Variants in HKDC1 observed in about 807,000 individuals in gnomAD.
HKDC1 encodes the protein hexokinase HKDC1.
Under a neutral mutation model 96.6 loss-of-function variants are expected in HKDC1, and 66 were observed. That is an observed-to-expected ratio of 0.68 (90% CI 0.56 to 0.84). The LOEUF (loss-of-function observed/expected upper bound fraction) is 0.84, where lower values mean the gene tolerates loss of function less well. Ranked by LOEUF, HKDC1 falls within the 40% of genes least tolerant of loss-of-function variation. The pLI, the probability that HKDC1 is intolerant of heterozygous loss-of-function variation, is 0.00. For missense variants in HKDC1, 1,211 were observed against 1,208.1 expected (o/e 1.00, Z -0.04); for synonymous variants, 466 against 473.1 (o/e 0.98, Z 0.20).
intron 4 of HKDC1, among the ~76,000 whole-genome samples, chr10:69,235,808 CCAA>C (rs1406705602): frequency 1.3e-5 from 2 of 152,336 alleles, no homozygotes. Flanking sequence ...TGAATACCCA[CCAA>C]CATCTTTCTC....
At position 69,243,223 on chromosome 10, in the gene HKDC1, A is replaced by G; in HGVS notation, c.733A>G (p.Ile245Val). Residue 245 changes from isoleucine (I) to valine (V), a missense_variant, in exon 7 of 18, where the codon ATT becomes GTT. Coordinates refer to ENST00000354624, the MANE Select transcript of HKDC1 (RefSeq NM_025130.4). ...NACYMEDMSN[I>V]DLVEGDEGRM... The stretch of plus-strand genomic sequence containing the variant: ...GTGTTACATGGAGGACATGAGCAAC[A>G]TTGACCTGGTGGAGGGCGACGAGGG... 1 of 1,614,210 alleles carries G rather than the reference A, an allele frequency of 6.2e-7. No homozygotes were observed. The highest frequency in any genetic ancestry group is 8.5e-7 in the Non-Finnish European group (1 of 1,180,030).
intron 2 of HKDC1, among the ~76,000 whole-genome samples, chr10:69,230,631 A>G (rs748631898): frequency 1.3e-5 from 2 of 152,146 alleles, no homozygotes; most frequent in Non-Finnish European, 2.9e-5. Flanking sequence ...CTTTCTTTTT[A>G]GAAACAAGGT....
intron 2 of HKDC1, among the ~76,000 whole-genome samples, chr10:69,230,432 C>G (rs920084171): frequency 6.6e-6 from 1 of 152,134 alleles, no homozygotes; most frequent in Admixed American, 6.5e-5. Context: ...CTCCAGGAAT[C>G]TCCGCATTCA....
At position 69,220,482 on chromosome 10, in the gene HKDC1, A is replaced by G. The variant is rs144737613; in HGVS notation, c.47A>G (p.Glu16Gly). Residue 16 changes from glutamate (E) to glycine (G), a missense_variant, in exon 1 of 18, where the codon GAG becomes GGG. Transcript: ENST00000354624. ...LMAFYFSKLK[E>G]DQIKKVDRFL... ...GCATTTTACTTCAGCAAGCTGAAGG[A>G]GGACCAGATCAAGAAGGTAAGGAGG... The G allele has an allele frequency of 1.2e-6, 2 of 1,600,890 alleles. No homozygotes were observed. The highest frequency in any genetic ancestry group is 8.5e-7 in the Non-Finnish European group (1 of 1,174,402).
Position 69,239,068 on chromosome 10 carries a change from G to A in HKDC1, c.522G>A (p.Lys174=). ...GTGTCCTACTTTCGTGGACAAAAAA[G>A]TTTAAGGCACGAGGAGTTCAGGACA... ...EEGVLLSWTK[K]FKARGVQDTD... Residue 174 remains lysine (K), a synonymous_variant, in exon 5 of 18, where the codon AAG becomes AAA. Coordinates refer to ENST00000354624, the MANE Select transcript of HKDC1 (RefSeq NM_025130.4). 1 of 1,613,806 alleles carries A rather than the reference G, an allele frequency of 6.2e-7. No individual in the cohort carries two copies. The highest frequency in any genetic ancestry group is 8.5e-7 in the Non-Finnish European group (1 of 1,179,762).
At chr10:69,224,932 C>T (rs1304200357) in intron 1 of HKDC1, among the ~76,000 whole-genome samples, 5 of 152,188 alleles carry the variant, frequency 3.3e-5, no homozygotes, top group Admixed American at 3.3e-4. Flanking sequence ...TTACACATAC[C>T]CCACATGACT....
intron 1 of HKDC1, among the ~76,000 whole-genome samples, chr10:69,225,374 G>A (rs1319064451): frequency 6.6e-6 from 1 of 152,148 alleles, no homozygotes; most frequent in Non-Finnish European, 1.5e-5. Flanking sequence ...CAGTTTTCTC[G>A]GCTTGTGTGT....
intron 4 of HKDC1, among the ~76,000 whole-genome samples, chr10:69,237,520 A>G (rs899804782): frequency 6.6e-6 from 1 of 152,150 alleles, no homozygotes; most frequent in Non-Finnish European, 1.5e-5. Context: ...AGTTTAGCAA[A>G]TCTATGGTTG....
intron 5 of HKDC1, among the ~76,000 whole-genome samples, chr10:69,239,587 TTAAAC>T (rs1326267065): frequency 6.6e-6 from 1 of 152,192 alleles, no homozygotes; most frequent in Non-Finnish European, 1.5e-5. Flanking sequence ...TTACAATAAT[TTAAAC>T]TACTGCGAAA....
In HKDC1 at chr10:69,233,139, G is replaced by A. The variant is rs368202016; in HGVS notation, c.495+6G>A. On this transcript the variant is annotated splice_donor_region_variant and intron_variant, in intron 4 of 17. Transcript: ENST00000354624. ...GACAGACTAAACTGGAAGAGGTAAG[G>A]CGCGGAGGGAAGCAGCAGTGCAGGA... 6.2e-7 allele frequency: 1 copy of A among 1,613,612 alleles called. No individual in the cohort carries two copies. The highest frequency in any genetic ancestry group is 8.5e-7 in the Non-Finnish European group (1 of 1,179,962).
intron 17 of HKDC1, 59 bp downstream of exon 17, chr10:69,265,877 G>T: frequency 7.9e-7 from 1 of 1,262,154 alleles, no homozygotes; most frequent in South Asian, 1.3e-5. Flanking sequence ...GCCAAGTGTG[G>T]ACTTGGCATA....
chr10:69,222,333 T>C (rs1372601314), intron 1 of HKDC1, among the ~76,000 whole-genome samples: 1 of 152,136 alleles, frequency 6.6e-6, no homozygotes, highest in African/African-American at 2.4e-5. Flanking sequence ...AGTTAGAGGT[T>C]GTAGCAAATT....
chr10:69,235,265 T>C (rs1205456930), intron 4 of HKDC1, among the ~76,000 whole-genome samples: 1 of 151,432 alleles, frequency 6.6e-6, no homozygotes, highest in Admixed American at 6.6e-5. Flanking sequence ...CTATTAAAAA[T>C]ACAAAAATTA....
intron 7 of HKDC1, among the ~76,000 whole-genome samples, chr10:69,244,830 A>AATAT (rs1012421813): frequency 1.3e-5 from 2 of 151,406 alleles, no homozygotes; most frequent in African/African-American, 4.9e-5. Flanking sequence ...TGTCTCAAAA[A>AATAT]ATATATATAT....
intron 2 of HKDC1, among the ~76,000 whole-genome samples, chr10:69,228,322 G>C (rs149161621): frequency 6.6e-6 from 1 of 152,258 alleles, no homozygotes; most frequent in African/African-American, 2.4e-5. Flanking sequence ...GTCATGCTTA[G>C]ATAATCCAGG....
At chr10:69,261,084 A>G in intron 15 of HKDC1, 55 bp from the exon 16 acceptor site, 4 of 1,542,472 alleles carry the variant, frequency 2.6e-6, no homozygotes, top group Non-Finnish European at 3.6e-6. Flanking sequence ...TTCTCACATC[A>G]TGTGGTCTTC....
chr10:69,228,780 C>T (rs1043970901), intron 2 of HKDC1, among the ~76,000 whole-genome samples: 2 of 152,020 alleles, frequency 1.3e-5, no homozygotes, highest in Non-Finnish European at 2.9e-5. Context: ...GCAGGAGAAT[C>T]ACTTGAACCT....
rs553123888 is a variant in HKDC1, at chr10:69,266,873, C to T, written c.*116C>T. ...TGGCTGACCTCACCTTCTGGATGGC[C>T]GAAAGAGAACCCCAGGTTCTCGGGT... is the stretch of plus-strand genomic sequence containing the variant. On this transcript the variant is annotated 3_prime_UTR_variant, in exon 18 of 18. Transcript: ENST00000354624. 1.4e-4 allele frequency: 137 copies of T among 996,680 alleles called. 1 individual carries two copies. In the African/African-American group the frequency reaches 1.8e-3, roughly 13 times the overall value. The allele number at this position is 996,680 out of a possible 1,614,324, so 61.7% of individuals were successfully genotyped here.
At chr10:69,240,523 A>T in intron 5 of HKDC1, 129 bp from the exon 6 acceptor site, 2 of 676,292 alleles carry the variant, frequency 3.0e-6, no homozygotes, top group Admixed American at 4.7e-5. Context: ...GCTCCTTCAG[A>T]CAGGCCCAGC....
Sources: allele counts gnomAD v4.1 joint callset (sites outside exome capture counted in the v4.1 genomes callset), GRCh38; gene constraint gnomAD v4.1.1; transcripts MANE v1.5; gene names NCBI Gene and HGNC (gene_info 2026-07-23, HGNC 2026-07-21).